The following RNF150 variants were observed in gnomAD, a reference collection of about 807,000 sequenced individuals.
The protein encoded by RNF150 is ring finger protein 150.
In RNF150, 24 loss-of-function variants were observed where a neutral mutation model predicts 39.3. That is an observed-to-expected ratio of 0.61 (90% CI 0.44 to 0.86). The LOEUF (loss-of-function observed/expected upper bound fraction) is 0.86. Ranked by LOEUF, RNF150 falls within the 40% of genes least tolerant of loss-of-function variation. The pLI is 0.00. For synonymous variants in RNF150, 255 were observed against 227.3 expected, an observed-to-expected ratio of 1.12 and a Z score of -1.10; for missense variants, 502 against 587.8, an observed-to-expected ratio of 0.85 and a Z score of 1.51.
intron 1 of RNF150, among the ~76,000 whole-genome samples, chr4:141,060,385 G>A (rs1737167120): frequency 6.6e-6 from 1 of 152,166 alleles, no homozygotes; most frequent in Non-Finnish European, 1.5e-5. Flanking sequence ...AGGTTGCACT[G>A]AGCCATGGCT....
chr4:141,197,903 G>T (rs1186733044), intron 1 of RNF150, among the ~76,000 whole-genome samples: 1 of 151,784 alleles, frequency 6.6e-6, no homozygotes. Flanking sequence ...AAATAAAAAA[G>T]AAATGGCCTC....
intron 6 of RNF150, among the ~76,000 whole-genome samples, chr4:140,898,200 C>T (rs1730031504): frequency 6.6e-6 from 1 of 151,970 alleles, no homozygotes; most frequent in African/African-American, 2.4e-5. Flanking sequence ...TTAGGAACTG[C>T]CTTACTTGTA....
chr4:141,104,209 A>C (rs1739119208), intron 1 of RNF150, among the ~76,000 whole-genome samples: 1 of 152,132 alleles, frequency 6.6e-6, no homozygotes, highest in African/African-American at 2.4e-5. Flanking sequence ...ACGAATGAAG[A>C]ATGAAGATGA....
intron 1 of RNF150, among the ~76,000 whole-genome samples, chr4:141,124,991 A>C (rs1726712776): frequency 6.6e-6 from 1 of 152,234 alleles, no homozygotes; most frequent in Non-Finnish European, 1.5e-5. Context: ...CTTTTAGTGA[A>C]AATCTTTTTC....
rs553655631 is a variant in RNF150 at position 141,047,804 on chromosome 4, A to T, written c.485-79931T>A. Among the ~76,000 whole-genome samples the T allele has an allele frequency of 5.9e-5, 9 of 152,194 alleles. No individual in the cohort carries two copies. In the South Asian group the frequency reaches 6.2e-4, roughly 11 times the overall value. The stretch of plus-strand genomic sequence containing the variant: ...CTCTTTCTTTTAAAATTATATATAT[A>T]TTTTTTAAATCAACAAACTTAATGG... On this transcript the variant is annotated intron_variant, in intron 1 of 6. Coordinates refer to ENST00000515673, the MANE Select transcript of RNF150 (RefSeq NM_020724.2).
In RNF150 at chr4:140,866,837, CTG is replaced by C; in HGVS notation, c.*1422_*1423del. On this transcript the variant is annotated 3_prime_UTR_variant, in exon 7 of 7. Coordinates refer to ENST00000515673, the MANE Select transcript of RNF150 (RefSeq NM_020724.2). ...ACGCTATCAATGACCTTAGTCATCT[CTG>C]TATCTGGATAGTCTGAATATATTAC... 1 of 152,296 alleles carries C rather than the reference CTG, an allele frequency of 6.6e-6. No homozygotes were observed. The highest frequency in any genetic ancestry group is 6.5e-5 in the Admixed American group (1 of 15,296). The allele number at this position is 152,296 out of a possible 1,614,324, so 9.4% of individuals were successfully genotyped here. A position where few individuals can be genotyped will look rare whatever the true frequency, so the allele number is the denominator to read the frequency against.
chr4:140,901,955 G>C (rs1578946494), intron 6 of RNF150, among the ~76,000 whole-genome samples: 1 of 152,162 alleles, frequency 6.6e-6, no homozygotes, highest in Non-Finnish European at 1.5e-5. Flanking sequence ...GATGGGAGTG[G>C]GGAAGAGGCA....
rs879391696 is a variant in RNF150, at chr4:140,999,942, A to AAAGAAGAAG, written c.485-32078_485-32070dup. Among the ~76,000 whole-genome samples the AAAGAAGAAG allele has an allele frequency of 3.5e-4, 12 of 34,562 alleles. 2 individuals are homozygous for AAAGAAGAAG. The highest frequency in any genetic ancestry group is 3.6e-3 in the South Asian group (2 of 556). 22.7% of individuals were successfully genotyped at this position (34,562 alleles called of 152,430 possible). On this transcript the variant is annotated intron_variant, in intron 1 of 6. Transcript: ENST00000515673. The stretch of plus-strand genomic sequence containing the variant: ...AACAGAGTGAGACTTGGTCTCAAAA[A>AAAGAAGAAG]AAGAAGAAGAAGAAGAAGAAGAAGA...
rs1046138286 is a variant in RNF150, at chr4:141,162,955, T to A, written c.-6+49839A>T. Among the ~76,000 whole-genome samples, 4 of 152,174 alleles carry A rather than the reference T, an allele frequency of 2.6e-5. No individual in the cohort carries two copies. In the South Asian group the frequency reaches 8.3e-4, roughly 32 times the overall value. On this transcript the variant is annotated intron_variant, in intron 1 of 7. Transcript: ENST00000420921. ...GCATCTGGAATGCCAGCAGACAGAA[T>A]TGTTCACTCCCCTGGAAGGGGGCTG...
chr4:141,148,972 A>C (rs906112400), intron 1 of RNF150, among the ~76,000 whole-genome samples: 13 of 152,136 alleles, frequency 8.5e-5, no homozygotes, highest in Non-Finnish European at 4.4e-5. Flanking sequence ...TCTTTATTGA[A>C]GTCACCTTGC....
Position 140,999,969 on chromosome 4 carries a change from G to GAAGAAGAAGAAGAAGAAAAGAAGAA in RNF150, c.485-32097_485-32096insTTCTTCTTTTCTTCTTCTTCTTCTT, listed in dbSNP as rs1560678529. On this transcript the variant is annotated intron_variant, in intron 1 of 6. Transcript: ENST00000515673. ...AGAAGAAGAAGAAGAAGAAGAAGAA[G>GAAGAAGAAGAAGAAGAAAAGAAGAA]AAGAAGAAAAGAAGAAAAGAAGAAA... 3.5e-3 allele frequency among the ~76,000 whole-genome samples: 109 copies of GAAGAAGAAGAAGAAGAAAAGAAGAA among 31,050 alleles called. 20 individuals carry two copies. Among genetic ancestry groups the GAAGAAGAAGAAGAAGAAAAGAAGAA allele is most frequent in the African/African-American group, 6.6e-3 (97 of 14,686 alleles). 20.4% of individuals were successfully genotyped at this position (31,050 alleles called of 152,430 possible). A position where few individuals can be genotyped will look rare whatever the true frequency, so the allele number is the denominator to read the frequency against.
intron 1 of RNF150, among the ~76,000 whole-genome samples, chr4:141,062,192 T>C (rs772581421): frequency 4.6e-5 from 7 of 152,132 alleles, no homozygotes; most frequent in Non-Finnish European, 1.0e-4. Flanking sequence ...AGAAACACTA[T>C]ATTCAAATCT....
chr4:140,999,964 AAG>A (rs749897031), intron 1 of RNF150, among the ~76,000 whole-genome samples: 1 of 35,460 alleles, frequency 2.8e-5, no homozygotes, highest in Admixed American at 5.3e-4. Flanking sequence ...GAAGAAGAAG[AAG>A]AAGAAGAAGA....
chr4:140,949,674 A>ACCC (rs376036137), intron 2 of RNF150, among the ~76,000 whole-genome samples: 27 of 104,750 alleles, frequency 2.6e-4, no homozygotes, highest in Admixed American at 1.9e-3. Context: ...TGCATACACT[A>ACCC]CCCCCCCCCA....
At chr4:141,193,208 A>T (rs1488920773) in intron 1 of RNF150, among the ~76,000 whole-genome samples, 1 of 152,260 alleles carries the variant, frequency 6.6e-6, no homozygotes. Flanking sequence ...ACTGTATCTT[A>T]GCAATTAGAA....
chr4:140,927,340 T>G (rs1285837848), intron 4 of RNF150, among the ~76,000 whole-genome samples: 5 of 152,224 alleles, frequency 3.3e-5, no homozygotes, highest in African/African-American at 1.2e-4. Context: ...TGCCCAAATA[T>G]CATGTCGAAT....
At chr4:141,197,411 T>C (rs1176051051) in intron 1 of RNF150, among the ~76,000 whole-genome samples, 1 of 152,210 alleles carries the variant, frequency 6.6e-6, no homozygotes, top group Non-Finnish European at 1.5e-5. Flanking sequence ...GCACTTAATG[T>C]ATTTATTTTA....
intron 1 of RNF150, among the ~76,000 whole-genome samples, chr4:141,079,458 T>C (rs952719993): frequency 6.6e-6 from 1 of 152,180 alleles, no homozygotes; most frequent in African/African-American, 2.4e-5. Flanking sequence ...CAAATTCCAG[T>C]TCCATCCCTT....
At chr4:141,036,845 C>T (rs1348890009) in intron 1 of RNF150, among the ~76,000 whole-genome samples, 1 of 152,174 alleles carries the variant, frequency 6.6e-6, no homozygotes, top group East Asian at 1.9e-4. Flanking sequence ...TAATATCTAA[C>T]AGCATAGCAC....
Sources: allele counts gnomAD v4.1 joint callset (sites outside exome capture counted in the v4.1 genomes callset), GRCh38; gene constraint gnomAD v4.1.1; transcripts MANE v1.5; gene names NCBI Gene and HGNC (gene_info 2026-07-23, HGNC 2026-07-21).